MACROD2: variants seen among roughly 807,000 people sequenced by gnomAD.
The protein encoded by MACROD2 is mono-ADP ribosylhydrolase 2, also known as ADP-ribose glycohydrolase MACROD2.
A neutral mutation model predicts 70.4 loss-of-function variants in MACROD2; 36 were observed. The ratio of observed to expected loss-of-function variants is 0.51; its 90% CI spans 0.39 to 0.68. MACROD2 has a LOEUF of 0.68. Among genes scored for constraint, MACROD2 ranks in the 30% least tolerant of loss-of-function variants. The probability of loss-of-function intolerance (pLI) is 0.00; values close to 1 mark genes in which losing one functional copy is unlikely to be tolerated. For synonymous variants in MACROD2, 172 were observed against 178.8 expected, an observed-to-expected ratio of 0.96 and a Z score of 0.30; for missense variants, 496 against 538.4, an observed-to-expected ratio of 0.92 and a Z score of 0.78.
intron 8 of MACROD2, among the ~76,000 whole-genome samples, chr20:15,704,254 A>G (rs2050501202): frequency 6.6e-6 from 1 of 152,118 alleles, no homozygotes; most frequent in South Asian, 2.1e-4. Context: ...GCCTGAAGAA[A>G]TTGCATCTTC....
chr20:15,740,525 A>G (rs2051088581), intron 8 of MACROD2, among the ~76,000 whole-genome samples: 1 of 152,148 alleles, frequency 6.6e-6, no homozygotes, highest in Non-Finnish European at 1.5e-5. Context: ...AACCACAAGC[A>G]CTGGGAAGAG....
rs146631487 is a variant in MACROD2, at chr20:15,462,052, T to G, written c.571+30617T>G. 3.4e-3 allele frequency among the ~76,000 whole-genome samples: 519 copies of G among 152,290 alleles called. 4 individuals carry two copies. The highest frequency in any genetic ancestry group is 0.012 in the African/African-American group (498 of 41,570). ...TTTATGAACAAAGCGAAATTATAGATTCCACCCAAATCATGTTGGAATCCT... is the reference window on the plus strand; with the variant it reads ...TTTATGAACAAAGCGAAATTATAGAGTCCACCCAAATCATGTTGGAATCCT... On this transcript the variant is annotated intron_variant, in intron 7 of 17. Coordinates refer to ENST00000684519, the MANE Select transcript of MACROD2 (RefSeq NM_001351661.2).
Position 14,493,463 on chromosome 20 carries a change from G to A in MACROD2, c.272-16G>A. On this transcript the variant is annotated splice_polypyrimidine_tract_variant and intron_variant, in intron 3 of 17. Transcript: ENST00000684519. Reference sequence around the variant, plus strand: ...CATATTATTTAATGTCTTTTGTTGTGTTTTGTTTTAAACAGCAAATGCCAG... The same window carrying A: ...CATATTATTTAATGTCTTTTGTTGTATTTTGTTTTAAACAGCAAATGCCAG... The A allele has an allele frequency of 6.2e-7, 1 of 1,603,982 alleles. No homozygotes were observed. The highest frequency in any genetic ancestry group is 2.2e-5 in the East Asian group (1 of 44,502).
intron 2 of MACROD2, among the ~76,000 whole-genome samples, chr20:14,043,150 G>GC: frequency 6.6e-6 from 1 of 152,116 alleles, no homozygotes; most frequent in East Asian, 1.9e-4. Context: ...AAACTCTTGG[G>GC]CTCAAGCAGT....
In MACROD2 at chr20:14,551,063, G is replaced by A. The variant is rs184551753; in HGVS notation, c.301+57555G>A. ...ATTTTTTTTTCCTTTTTCAATGAATGTAACTGTTAATAGGTTTGGATGAGT... is the reference window on the plus strand; with the variant it reads ...ATTTTTTTTTCCTTTTTCAATGAATATAACTGTTAATAGGTTTGGATGAGT... On this transcript the variant is annotated intron_variant, in intron 4 of 17. Coordinates refer to ENST00000684519, the MANE Select transcript of MACROD2 (RefSeq NM_001351661.2). 3.3e-5 allele frequency among the ~76,000 whole-genome samples: 5 copies of A among 152,116 alleles called. No homozygotes were observed. The East Asian group carries it at 7.7e-4, about 24-fold the overall frequency.
At chr20:14,299,014 TA>T (rs147157207) in intron 3 of MACROD2, among the ~76,000 whole-genome samples, 2,712 of 152,264 alleles carry the variant, frequency 0.018, 94 homozygotes, top group African/African-American at 0.061. Flanking sequence ...ATAAAGTATT[TA>T]AAATATTATA....
intron 3 of MACROD2, among the ~76,000 whole-genome samples, chr20:14,264,154 C>A (rs1474573848): frequency 1.1e-5 from 1 of 89,932 alleles, no homozygotes; most frequent in Admixed American, 1.4e-4. Flanking sequence ...TGATCCATTT[C>A]ATTTCTAGAC....
chr20:14,570,953 C>T (rs980420732), intron 4 of MACROD2, among the ~76,000 whole-genome samples: 4 of 152,150 alleles, frequency 2.6e-5, no homozygotes, highest in African/African-American at 4.8e-5. Flanking sequence ...AATCCTCCCA[C>T]GTATCTCCAA....
intron 10 of MACROD2, among the ~76,000 whole-genome samples, chr20:15,914,620 T>G (rs891990778): frequency 5.3e-5 from 8 of 152,352 alleles, no homozygotes; most frequent in African/African-American, 1.9e-4. Flanking sequence ...ATAATACTTC[T>G]AACATCAAAT....
At chr20:14,901,159 A>C (rs1490460048) in intron 5 of MACROD2, among the ~76,000 whole-genome samples, 1 of 152,102 alleles carries the variant, frequency 6.6e-6, no homozygotes, top group East Asian at 1.9e-4. Flanking sequence ...ATTCTATAAT[A>C]AAATATTTTA....
At chr20:14,580,502 T>A (rs144028432) in intron 4 of MACROD2, among the ~76,000 whole-genome samples, 11 of 152,282 alleles carry the variant, frequency 7.2e-5, no homozygotes, top group African/African-American at 2.2e-4. Context: ...TTTGCAACTG[T>A]CAAGCAAAAA....
intron 3 of MACROD2, among the ~76,000 whole-genome samples, chr20:14,216,806 G>A (rs1004735168): frequency 1.3e-5 from 2 of 151,884 alleles, no homozygotes; most frequent in African/African-American, 4.8e-5. Context: ...TTGATTATCT[G>A]CATGGTCACT....
chr20:15,878,031 C>T (rs1301515857), intron 9 of MACROD2, among the ~76,000 whole-genome samples: 1 of 152,038 alleles, frequency 6.6e-6, no homozygotes, highest in Non-Finnish European at 1.5e-5. Flanking sequence ...TAACACCCTC[C>T]TTTTCTCATG....
intron 6 of MACROD2, among the ~76,000 whole-genome samples, chr20:15,421,479 A>G (rs927110693): frequency 2.0e-5 from 3 of 152,238 alleles, no homozygotes; most frequent in Non-Finnish European, 4.4e-5. Context: ...GTAGTTAAAT[A>G]AACATAGTAT....
At chr20:14,569,461 T>G (rs139031963) in intron 4 of MACROD2, among the ~76,000 whole-genome samples, 5 of 152,144 alleles carry the variant, frequency 3.3e-5, no homozygotes, top group African/African-American at 1.2e-4. Context: ...ATTAAAAAAC[T>G]GAATACTTTG....
chr20:15,670,235 G>C (rs1024460976), intron 8 of MACROD2, among the ~76,000 whole-genome samples: 4 of 152,194 alleles, frequency 2.6e-5, no homozygotes, highest in Non-Finnish European at 5.9e-5. Flanking sequence ...TTCCCTCTCA[G>C]AGTTTTGGAA....
chr20:14,580,807 T>C (rs1980965379), intron 4 of MACROD2, among the ~76,000 whole-genome samples: 2 of 152,244 alleles, frequency 1.3e-5, no homozygotes, highest in South Asian at 4.1e-4. Flanking sequence ...TCTTTTACTG[T>C]GTTAACATTT....
chr20:15,541,396 T>C (rs943439620), intron 8 of MACROD2, among the ~76,000 whole-genome samples: 11 of 152,212 alleles, frequency 7.2e-5, no homozygotes, highest in African/African-American at 2.6e-4. Context: ...AAGGGCCAAG[T>C]AGAAAAAATA....
chr20:14,087,700 C>G (rs1363520339), intron 3 of MACROD2, among the ~76,000 whole-genome samples: 1 of 151,984 alleles, frequency 6.6e-6, no homozygotes, highest in Non-Finnish European at 1.5e-5. Flanking sequence ...TTCTCTGTCC[C>G]GTGGGGCCTC....
Sources: gnomAD v4.1 joint callset for allele counts (sites outside exome capture counted in the v4.1 genomes callset) on GRCh38, gnomAD v4.1.1 for gene constraint, MANE v1.5 for transcripts, NCBI Gene and HGNC (gene_info 2026-07-23, HGNC 2026-07-21) for gene names.